The following ASIC2 variants were observed in gnomAD, a reference collection of about 807,000 sequenced individuals.
ASIC2 encodes the protein acid sensing ion channel subunit 2.
Under a neutral mutation model 57.3 loss-of-function variants are expected in ASIC2, and 25 were observed. That is an observed-to-expected ratio of 0.44 (90% CI 0.32 to 0.61). ASIC2 has a LOEUF of 0.61. Among genes scored for constraint, ASIC2 ranks in the 20% least tolerant of loss-of-function variants. ASIC2 has a pLI of 0.06. For missense variants in ASIC2, 641 were observed against 738.1 expected (o/e 0.87, Z 1.52); for synonymous variants, 319 against 307.5 (o/e 1.04, Z -0.39).
chr17:33,785,686 A>G (rs1911581690), intron 1 of ASIC2, among the ~76,000 whole-genome samples: 1 of 152,206 alleles, frequency 6.6e-6, no homozygotes, highest in South Asian at 2.1e-4. Flanking sequence ...TTGAGTCATC[A>G]ATATTCTCAC....
At chr17:33,105,122 G>T (rs1433969931) in intron 2 of ASIC2, among the ~76,000 whole-genome samples, 2 of 152,158 alleles carry the variant, frequency 1.3e-5, no homozygotes, top group African/African-American at 4.8e-5. Context: ...AGTGGAAGGG[G>T]CAGACAATAA....
intron 1 of ASIC2, among the ~76,000 whole-genome samples, chr17:34,057,487 A>G (rs1249824597): frequency 6.6e-6 from 1 of 152,168 alleles, no homozygotes; most frequent in East Asian, 1.9e-4. Context: ...ACTTGGTGCA[A>G]TTATGGCTGC....
chr17:34,156,540 C>G lies in ASIC2; in HGVS notation c.-8G>C. On this transcript the variant is annotated 5_prime_UTR_variant, in exon 1 of 10. Transcript: ENST00000359872. This position sits in a 1 kb window ranked among gnomAD's most constrained non-coding sequence, Gnocchi z 4.4. ...GCTTTCCTTGAGGTCCATCGGGACC[C>G]CGTGCAGTTCCGCAACTGGCTTCAG... is the stretch of plus-strand genomic sequence containing the variant. 6.4e-7 allele frequency: 1 copy of G among 1,571,592 alleles called. No individual in the cohort carries two copies. Among genetic ancestry groups the G allele is most frequent in the Non-Finnish European group, 8.7e-7 (1 of 1,155,100 alleles).
chr17:33,177,901 C>CT (rs1386361734), intron 1 of ASIC2, among the ~76,000 whole-genome samples: 2 of 152,166 alleles, frequency 1.3e-5, no homozygotes, highest in African/African-American at 4.8e-5. Flanking sequence ...AGTCTAGTTC[C>CT]TGACCTTACT....
At chr17:33,546,667 G>C (rs933381022) in intron 1 of ASIC2, among the ~76,000 whole-genome samples, 10 of 152,168 alleles carry the variant, frequency 6.6e-5, no homozygotes, top group African/African-American at 2.4e-4. Flanking sequence ...ACTGCCAAGT[G>C]CCTTCCTGAG....
At chr17:33,716,417 G>A (rs1052479448) in intron 1 of ASIC2, among the ~76,000 whole-genome samples, 2 of 152,210 alleles carry the variant, frequency 1.3e-5, no homozygotes, top group Non-Finnish European at 2.9e-5. Flanking sequence ...GGAAGGGCCT[G>A]CAATGGAGAG....
In ASIC2 at chr17:33,973,656, C is replaced by G. The variant is rs557624713; in HGVS notation, c.555+182322G>C. Among the ~76,000 whole-genome samples the G allele has an allele frequency of 5.8e-4, 89 of 152,298 alleles. 1 individual carries two copies. The highest frequency in any genetic ancestry group is 1.8e-3 in the African/African-American group (76 of 41,560). On this transcript the variant is annotated intron_variant, in intron 1 of 9. Transcript: ENST00000359872. The stretch of plus-strand genomic sequence containing the variant: ...AAGCGACCTCCTGAACATATAGACA[C>G]AGAGAGGAGTGGCTTGTTCCTGCTC...
chr17:33,469,830 G>T (rs1441275404), intron 1 of ASIC2, among the ~76,000 whole-genome samples: 1 of 152,200 alleles, frequency 6.6e-6, no homozygotes, highest in Non-Finnish European at 1.5e-5. Context: ...CTCGGGGATA[G>T]AGAGTGAAGA....
intron 1 of ASIC2, among the ~76,000 whole-genome samples, chr17:33,575,910 G>T (rs1033605629): frequency 3.3e-5 from 5 of 152,134 alleles, no homozygotes; most frequent in African/African-American, 1.2e-4. Flanking sequence ...TTAGAAAGGG[G>T]ATGCCTGCAG....
intron 1 of ASIC2, among the ~76,000 whole-genome samples, chr17:33,770,090 CT>C (rs758805216): frequency 2.0e-5 from 3 of 152,202 alleles, no homozygotes; most frequent in Non-Finnish European, 4.4e-5. Context: ...AGCTGATTTG[CT>C]AGGACTCTTT....
chr17:34,009,076 C>T (rs1208996431), intron 1 of ASIC2, among the ~76,000 whole-genome samples: 4 of 147,084 alleles, frequency 2.7e-5, no homozygotes, highest in Admixed American at 6.8e-5. Context: ...CACAGTCCAC[C>T]TTTTTTTTTT....
In ASIC2 at chr17:33,225,497, C is replaced by T. The variant is rs560487929; in HGVS notation, c.708+65911G>A. On this transcript the variant is annotated intron_variant, in intron 1 of 9. Transcript: ENST00000225823. ...AGTAAATGTGAGTAATTAACAATGC[C>T]CCACAAATACAAAATCATTAATAAG... 3.3e-5 allele frequency among the ~76,000 whole-genome samples: 5 copies of T among 152,254 alleles called. No individual in the cohort carries two copies. In the South Asian group the frequency reaches 1.0e-3, roughly 32 times the overall value.
chr17:33,737,606 G>A (rs115411938), intron 1 of ASIC2, among the ~76,000 whole-genome samples: 3,364 of 152,316 alleles, frequency 0.022, 145 homozygotes, highest in Admixed American at 0.11. Flanking sequence ...GACATAAAGA[G>A]TGCTGCACTT....
intron 1 of ASIC2, among the ~76,000 whole-genome samples, chr17:33,607,186 A>T (rs897212360): frequency 6.6e-6 from 1 of 152,162 alleles, no homozygotes; most frequent in African/African-American, 2.4e-5. Flanking sequence ...GAGCAGACCA[A>T]TAAAGGCCAA....
Position 33,293,253 on chromosome 17 carries a change from G to A in ASIC2, c.-1138C>T, listed in dbSNP as rs2038934274. On this transcript the variant is annotated 5_prime_UTR_variant, in exon 1 of 10. Coordinates refer to ENST00000225823, the MANE Select transcript of ASIC2 (RefSeq NM_183377.2). ...CGGCCGCGCGACGCTGGCGCGGCTGGGCTCCGAGCACCTGCTCCTCAGCTC... is the reference window on the plus strand; with the variant it reads ...CGGCCGCGCGACGCTGGCGCGGCTGAGCTCCGAGCACCTGCTCCTCAGCTC... Among the ~76,000 whole-genome samples the A allele has an allele frequency of 6.6e-6, 1 of 151,996 alleles. No individual in the cohort carries two copies. The highest frequency in any genetic ancestry group is 1.5e-5 in the Non-Finnish European group (1 of 67,962).
At chr17:33,903,999 A>C (rs1915286579) in intron 1 of ASIC2, among the ~76,000 whole-genome samples, 1 of 151,818 alleles carries the variant, frequency 6.6e-6, no homozygotes, top group Non-Finnish European at 1.5e-5. Context: ...CCCCGTCTCT[A>C]CTAAAAATAC....
intron 1 of ASIC2, among the ~76,000 whole-genome samples, chr17:34,099,200 G>A: frequency 1.0e-5 from 1 of 98,440 alleles, no homozygotes; most frequent in Non-Finnish European, 2.0e-5. Flanking sequence ...AAGAAAGAAA[G>A]AAAGAAAGAA....
chr17:33,190,528 T>C (rs946851014), intron 1 of ASIC2, among the ~76,000 whole-genome samples: 11 of 152,108 alleles, frequency 7.2e-5, no homozygotes, highest in Admixed American at 4.6e-4. Context: ...AAATAGAAAT[T>C]GACAAGCTAC....
intron 1 of ASIC2, among the ~76,000 whole-genome samples, chr17:33,647,796 G>A (rs190888106): frequency 7.2e-5 from 11 of 152,318 alleles, no homozygotes; most frequent in Admixed American, 1.3e-4. Flanking sequence ...ATTAGAGCAG[G>A]GTGCATGGCT....
Sources: allele counts gnomAD v4.1 joint callset (sites outside exome capture counted in the v4.1 genomes callset), GRCh38; gene constraint gnomAD v4.1.1; non-coding constraint Gnocchi (gnomAD v3.1); transcripts MANE v1.5; gene names NCBI Gene and HGNC (gene_info 2026-07-23, HGNC 2026-07-21).